The following PCDHA1 variants were observed in gnomAD, a reference collection of about 807,000 sequenced individuals.
PCDHA1 encodes the protein protocadherin alpha-1.
Under a neutral mutation model 61.3 loss-of-function variants are expected in PCDHA1, and 42 were observed. That is an observed-to-expected ratio of 0.69 (90% CI 0.54 to 0.89). PCDHA1 has a LOEUF of 0.89. Among genes scored for constraint, PCDHA1 ranks in the 40% least tolerant of loss-of-function variants. The pLI, the probability that PCDHA1 is intolerant of heterozygous loss-of-function variation, is 0.00. For missense variants in PCDHA1, 1,256 were observed against 1,235.3 expected (o/e 1.02, Z -0.25); for synonymous variants, 610 against 553.8 (o/e 1.10, Z -1.43).
At chr5:140,882,844 A>G in intron 1 of PCDHA1, 1 of 1,614,248 alleles carries the variant, frequency 6.2e-7, no homozygotes, top group Non-Finnish European at 8.5e-7. Flanking sequence ...TGTCTTCATT[A>G]TCACTTGTAC....
intron 1 of PCDHA1, chr5:140,968,878 T>A (rs1554231201): frequency 6.2e-7 from 1 of 1,614,244 alleles, no homozygotes; most frequent in South Asian, 1.1e-5. Flanking sequence ...ACTCTGAAAT[T>A]ACCCTTTATC....
chr5:140,968,714 G>A, intron 1 of PCDHA1: 1 of 1,614,150 alleles, frequency 6.2e-7, no homozygotes, highest in South Asian at 1.1e-5. Flanking sequence ...GAAGATGGGA[G>A]ATGAGAGTGG....
At chr5:140,995,571 T>A (rs2097689586) in intron 3 of PCDHA1, among the ~76,000 whole-genome samples, 1 of 152,252 alleles carries the variant, frequency 6.6e-6, no homozygotes, top group Admixed American at 6.5e-5. Flanking sequence ...TATGTCAAGA[T>A]GAGCTATGAG....
chr5:140,972,660 ATTTT>A (rs11350929), intron 1 of PCDHA1, among the ~76,000 whole-genome samples: 1 of 117,264 alleles, frequency 8.5e-6, no homozygotes. Flanking sequence ...AAGAAACCAA[ATTTT>A]TTTTTTTTTT....
chr5:140,788,492 G>T lies in PCDHA1; in HGVS notation c.2202G>T (p.Pro734=), dbSNP rs374247491. 1 of 1,614,098 alleles carries T rather than the reference G, an allele frequency of 6.2e-7. No homozygotes were observed. The highest frequency in any genetic ancestry group is 2.2e-5 in the East Asian group (1 of 44,868). ...SVPPTEGAYV[P]GKPTLVCSSA... ...CGCCCACTGAGGGTGCGTATGTGCC[G>T]GGCAAGCCCACTCTGGTGTGCTCCA... The change falls in exon 1 of 4, where the codon CCG becomes CCT. Residue 734 remains proline, a synonymous_variant. Coordinates refer to ENST00000504120, the MANE Select transcript of PCDHA1 (RefSeq NM_018900.4).
chr5:140,853,171 G>A lies in PCDHA1; in HGVS notation c.2394+64487G>A, dbSNP rs2150529478. On this transcript the variant is annotated intron_variant, in intron 1 of 3. Coordinates refer to ENST00000504120, the MANE Select transcript of PCDHA1 (RefSeq NM_018900.4). ...TGGGATTACAGGCGTGAGCCACCGC[G>A]CCTGGCCTAAAATGTGTTCTTTATT... 22 of 965,136 alleles carry A rather than the reference G, an allele frequency of 2.3e-5. 1 individual carries two copies. Among genetic ancestry groups the A allele is most frequent in the Non-Finnish European group, 2.4e-5 (19 of 799,766 alleles). 59.8% of individuals were successfully genotyped at this position (965,136 alleles called of 1,614,324 possible).
rs2150459394 is a variant in PCDHA1 at position 140,849,947 on chromosome 5, G to T, written c.2394+61263G>T. On this transcript the variant is annotated intron_variant, in intron 1 of 3. Transcript: ENST00000504120. The stretch of plus-strand genomic sequence containing the variant: ...CGGTGTCTGCGCGGGACGCTGACGC[G>T]CAGGAGAACGCCCTGGTGTCCTACT... 4 of 1,597,722 alleles carry T rather than the reference G, an allele frequency of 2.5e-6. No homozygotes were observed. In the African/African-American group the frequency reaches 4.0e-5, roughly 16 times the overall value.
chr5:140,812,973 C>T lies in PCDHA1; in HGVS notation c.2394+24289C>T, dbSNP rs1765206807. On this transcript the variant is annotated intron_variant, in intron 1 of 3. Coordinates refer to ENST00000504120, the MANE Select transcript of PCDHA1 (RefSeq NM_018900.4). ...CCAGTTTTAATTCCAGTATTGATTT[C>T]TAGTTTTATTCCACTGTGGTCAGAA... The T allele has an allele frequency of 2.0e-5, 3 of 152,186 alleles. No homozygotes were observed. The South Asian group carries it at 6.2e-4, about 32-fold the overall frequency. The allele number at this position is 152,186 out of a possible 1,614,324, so 9.4% of individuals were successfully genotyped here. A position where few individuals can be genotyped will look rare whatever the true frequency, so the allele number is the denominator to read the frequency against.
Position 140,949,482 on chromosome 5 carries a change from A to G in PCDHA1, c.2395-29467A>G, listed in dbSNP as rs1435722195. Among the ~76,000 whole-genome samples, 4 of 151,834 alleles carry G rather than the reference A, an allele frequency of 2.6e-5. No homozygotes were observed. The South Asian group carries it at 8.3e-4, about 31-fold the overall frequency. ...TGAAGCCCTGTTATTAGGCACACACATTGATGATTATTATAATTTCCTGAT... is the reference window on the plus strand; with the variant it reads ...TGAAGCCCTGTTATTAGGCACACACGTTGATGATTATTATAATTTCCTGAT... On this transcript the variant is annotated intron_variant, in intron 1 of 3. Transcript: ENST00000504120.
At chr5:140,814,223 T>G (rs184891993) in intron 1 of PCDHA1, 76 of 152,744 alleles carry the variant, frequency 5.0e-4, no homozygotes, top group East Asian at 7.7e-4. Context: ...AGTGTTTTTT[T>G]TTGTTGTTGT....
chr5:140,884,113 G>T (rs782579609), intron 1 of PCDHA1: 15 of 1,613,390 alleles, frequency 9.3e-6, no homozygotes, highest in Admixed American at 3.3e-5. Context: ...AGCTGGCGGC[G>T]GTCGGCGCGC....
Position 141,010,180 on chromosome 5 carries a change from AC to A in PCDHA1, c.*246del. The stretch of plus-strand genomic sequence containing the variant: ...CTTGTTTTCAGAACCTAAAAAGCAG[AC>A]CCAAGTTTCCTTTCTCCTCCGCCGC... On this transcript the variant is annotated 3_prime_UTR_variant, in exon 4 of 4. Coordinates refer to ENST00000504120, the MANE Select transcript of PCDHA1 (RefSeq NM_018900.4). 2 of 1,554,710 alleles carry A rather than the reference AC, an allele frequency of 1.3e-6. No individual in the cohort carries two copies. The highest frequency in any genetic ancestry group is 1.7e-6 in the Non-Finnish European group (2 of 1,148,310).
chr5:140,828,847 C>A (rs2150159691), intron 1 of PCDHA1: 10 of 1,614,168 alleles, frequency 6.2e-6, no homozygotes, highest in Non-Finnish European at 8.5e-6. Flanking sequence ...TAAGAATATT[C>A]GAAAATGCAG....
intron 1 of PCDHA1, among the ~76,000 whole-genome samples, chr5:140,908,772 A>G (rs2074146123): frequency 6.6e-6 from 1 of 152,144 alleles, no homozygotes; most frequent in East Asian, 1.9e-4. Flanking sequence ...CGTGTTGTAG[A>G]GTCTTCTCCT....
intron 1 of PCDHA1, among the ~76,000 whole-genome samples, chr5:140,910,225 T>C (rs1194368347): frequency 6.6e-6 from 1 of 152,232 alleles, no homozygotes; most frequent in Non-Finnish European, 1.5e-5. Flanking sequence ...TTTCTGCTTA[T>C]ATAAATTAAA....
chr5:140,890,505 C>T (rs968263026), intron 1 of PCDHA1, among the ~76,000 whole-genome samples: 4 of 151,914 alleles, frequency 2.6e-5, no homozygotes, highest in Admixed American at 2.6e-4. Flanking sequence ...ATTTTTATGT[C>T]TCTATTTCCT....
At chr5:140,794,626 G>A (rs1761869838) in intron 1 of PCDHA1, among the ~76,000 whole-genome samples, 1 of 152,228 alleles carries the variant, frequency 6.6e-6, no homozygotes, top group Non-Finnish European at 1.5e-5. Flanking sequence ...TAAATATTAT[G>A]TTGTGTGTTT....
At chr5:140,964,383 G>A (rs543441248) in intron 1 of PCDHA1, among the ~76,000 whole-genome samples, 1 of 152,142 alleles carries the variant, frequency 6.6e-6, no homozygotes, top group Non-Finnish European at 1.5e-5. Context: ...GAGAGTCCTG[G>A]TTTTTCTCCC....
chr5:140,967,020 C>G (rs782147091), intron 1 of PCDHA1: 4 of 1,607,570 alleles, frequency 2.5e-6, no homozygotes, highest in African/African-American at 1.3e-5. Flanking sequence ...CTGGGTGCGC[C>G]CAGTCCGCGC....
Sources: allele counts gnomAD v4.1 joint callset (sites outside exome capture counted in the v4.1 genomes callset), GRCh38; gene constraint gnomAD v4.1.1; transcripts MANE v1.5; gene names NCBI Gene and HGNC (gene_info 2026-07-23, HGNC 2026-07-21).